The following SERPINE2 variants were observed in gnomAD, a reference collection of about 807,000 sequenced individuals.
SERPINE2 encodes the protein serpin family E member 2, also known as glia-derived nexin.
A neutral mutation model predicts 36.3 loss-of-function variants in SERPINE2; 14 were observed. The ratio of observed to expected loss-of-function variants is 0.39; its 90% CI spans 0.25 to 0.60. The LOEUF is 0.60. Among genes scored for constraint, SERPINE2 ranks in the 20% least tolerant of loss-of-function variants. The probability of loss-of-function intolerance (pLI) is 0.57; values close to 1 mark genes in which losing one functional copy is unlikely to be tolerated. For synonymous variants in SERPINE2, 192 were observed against 191.8 expected, an observed-to-expected ratio of 1.00 and a Z score of -0.01; for missense variants, 418 against 499.6, an observed-to-expected ratio of 0.84 and a Z score of 1.56.
At chr2:224,005,090 T>TATATATA (rs1691371486) in intron 1 of SERPINE2, among the ~76,000 whole-genome samples, 1 of 118,740 alleles carries the variant, frequency 8.4e-6, no homozygotes, top group African/African-American at 3.7e-5. Flanking sequence ...TATATATATA[T>TATATATA]ATATATAAAA....
chr2:224,001,977 C>G (rs1226972212), intron 1 of SERPINE2, 55 bp from the exon 2 acceptor site: 1 of 1,198,966 alleles, frequency 8.3e-7, no homozygotes, highest in South Asian at 1.7e-5. Flanking sequence ...TACTTTACTA[C>G]TTTTTTTTTT....
chr2:224,003,086 T>C (rs773775184), intron 1 of SERPINE2, among the ~76,000 whole-genome samples: 70 of 151,894 alleles, frequency 4.6e-4, no homozygotes, highest in Non-Finnish European at 9.3e-4. Context: ...CAGGGAGCCA[T>C]CTCTATGGCA....
At chr2:223,985,262 G>A (rs1168984179) in intron 4 of SERPINE2, among the ~76,000 whole-genome samples, 1 of 148,738 alleles carries the variant, frequency 6.7e-6, no homozygotes, top group African/African-American at 2.5e-5. Flanking sequence ...ACCCTCACAT[G>A]AATAAAAGAA....
intron 1 of SERPINE2, among the ~76,000 whole-genome samples, chr2:224,035,606 T>C (rs559246452): frequency 6.6e-6 from 1 of 152,298 alleles, no homozygotes; most frequent in South Asian, 2.1e-4. Flanking sequence ...TGACCTCAAG[T>C]GATCCGCCTG....
At chr2:224,024,421 T>C (rs576384754) in intron 1 of SERPINE2, among the ~76,000 whole-genome samples, 82 of 152,256 alleles carry the variant, frequency 5.4e-4, no homozygotes, top group Non-Finnish European at 1.1e-3. Flanking sequence ...AGCTTCGTCC[T>C]GTAACCTGAC....
intron 1 of SERPINE2, among the ~76,000 whole-genome samples, chr2:224,008,481 C>T (rs1691504463): frequency 1.3e-5 from 2 of 152,130 alleles, no homozygotes; most frequent in Admixed American, 6.5e-5. Flanking sequence ...TTCTGTATCA[C>T]TATAAACTCG....
At chr2:223,987,938 G>A (rs990895554) in intron 4 of SERPINE2, among the ~76,000 whole-genome samples, 5 of 152,210 alleles carry the variant, frequency 3.3e-5, no homozygotes, top group Non-Finnish European at 7.3e-5. Context: ...TGGATTTCCT[G>A]AGGACTTAAG....
rs144223697 is a variant in SERPINE2, at chr2:224,025,389, G to A, written c.-23+13710C>T. Among the ~76,000 whole-genome samples the A allele has an allele frequency of 6.9e-3, 1,049 of 152,256 alleles. 37 individuals are homozygous for A. The highest frequency in any genetic ancestry group is 0.059 in the Admixed American group (906 of 15,284). On this transcript the variant is annotated intron_variant, in intron 1 of 8. Transcript: ENST00000409304. ...AAGAGTGAGGCTCCCCTCCTCCAGC[G>A]TTAATTCTTTATTTCTTTGATTAAC...
chr2:224,002,121 C>CTA (rs1691201799), intron 1 of SERPINE2, among the ~76,000 whole-genome samples, 199 bp from the exon 2 acceptor site: 1 of 151,684 alleles, frequency 6.6e-6, no homozygotes, highest in Non-Finnish European at 1.5e-5. Context: ...GAATTACAGG[C>CTA]GTGTACCACC....
At chr2:224,036,274 C>G (rs1036691400) in intron 1 of SERPINE2, among the ~76,000 whole-genome samples, 1 of 151,398 alleles carries the variant, frequency 6.6e-6, no homozygotes, top group African/African-American at 2.4e-5. Flanking sequence ...CCTGGGTAAC[C>G]CCAAGAGGTA....
At chr2:224,012,970 C>T (rs1167767108) in intron 1 of SERPINE2, among the ~76,000 whole-genome samples, 2 of 152,284 alleles carry the variant, frequency 1.3e-5, no homozygotes, top group Admixed American at 6.5e-5. Context: ...ATGAATGTTA[C>T]ACCCCATTAC....
intron 1 of SERPINE2, among the ~76,000 whole-genome samples, chr2:224,008,972 C>G (rs6436458): frequency 6.6e-6 from 1 of 151,778 alleles, no homozygotes; most frequent in Non-Finnish European, 1.5e-5. Flanking sequence ...CCATCTAGAC[C>G]GAGGGAGGCT....
intron 1 of SERPINE2, among the ~76,000 whole-genome samples, chr2:224,020,897 C>T (rs1183707089): frequency 6.6e-6 from 1 of 152,204 alleles, no homozygotes; most frequent in Non-Finnish European, 1.5e-5. Flanking sequence ...TGAAGCCCCA[C>T]TCCTAAATTT....
At chr2:224,031,625 C>A (rs1020117) in intron 1 of SERPINE2, 249,517 of 399,322 alleles carry the variant, frequency 0.62, 79,804 homozygotes, top group South Asian at 0.71. Context: ...GGTATCGGGA[C>A]GAGCATGTGA....
intron 1 of SERPINE2, among the ~76,000 whole-genome samples, chr2:224,003,598 C>G (rs377712768): frequency 1.2e-4 from 19 of 152,312 alleles, no homozygotes; most frequent in African/African-American, 4.6e-4. Flanking sequence ...TTTAAAGAAG[C>G]TTCCTTCCTT....
chr2:223,993,182 T>C (rs1324451979), intron 3 of SERPINE2, among the ~76,000 whole-genome samples: 1 of 152,214 alleles, frequency 6.6e-6, no homozygotes, highest in Non-Finnish European at 1.5e-5. Flanking sequence ...AGGTCTGTCC[T>C]AGAACTCCTA....
At chr2:224,012,733 A>G (rs1226607278) in intron 1 of SERPINE2, among the ~76,000 whole-genome samples, 1 of 152,238 alleles carries the variant, frequency 6.6e-6, no homozygotes, top group Admixed American at 6.5e-5. Flanking sequence ...TGTAGCCTTC[A>G]AAATTTCTGT....
intron 1 of SERPINE2, 47 bp from the exon 2 acceptor site, chr2:224,001,969 CTTTACTACTT>C: frequency 6.9e-7 from 1 of 1,442,980 alleles, no homozygotes; most frequent in Non-Finnish European, 9.3e-7. Flanking sequence ...TAAATGGGTA[CTTTACTACTT>C]TTTTTTTTTT....
intron 3 of SERPINE2, among the ~76,000 whole-genome samples, chr2:223,996,637 T>C (rs1447311020): frequency 6.6e-6 from 1 of 152,170 alleles, no homozygotes; most frequent in Non-Finnish European, 1.5e-5. Flanking sequence ...GCTCCAGGGA[T>C]CTGCCTTCTC....
Sources: gnomAD v4.1 joint callset for allele counts (sites outside exome capture counted in the v4.1 genomes callset) on GRCh38, gnomAD v4.1.1 for gene constraint, MANE v1.5 for transcripts, NCBI Gene and HGNC (gene_info 2026-07-23, HGNC 2026-07-21) for gene names.